The following DUSP22 variants were observed in gnomAD, a reference collection of about 807,000 sequenced individuals.
The protein encoded by DUSP22 is dual specificity phosphatase 22.
Under a neutral mutation model 24.5 loss-of-function variants are expected in DUSP22, and 24 were observed. The observed-to-expected ratio is 0.98, with a 90% CI of 0.71 to 1.38. The LOEUF is 1.38. DUSP22 is among the 40% of genes most tolerant of loss of function. The pLI, the probability that DUSP22 is intolerant of heterozygous loss-of-function variation, is 0.00. For missense variants in DUSP22, 330 were observed against 269.2 expected (o/e 1.23, Z -1.58); for synonymous variants, 160 against 106.4 (o/e 1.50, Z -3.10).
chr6:314,113 A>G lies in DUSP22; in HGVS notation c.138+2151A>G, dbSNP rs182709045. Among the ~76,000 whole-genome samples the G allele has an allele frequency of 7.4e-4, 113 of 152,382 alleles. No individual in the cohort carries two copies. The East Asian group carries it at 0.02, about 27-fold the overall frequency. On this transcript the variant is annotated intron_variant, in intron 3 of 6. Coordinates refer to ENST00000419235, the MANE Select transcript of DUSP22 (RefSeq NM_001286555.3). ...TTGCCAGCCCTGATCCCGGGAGAGA[A>G]ATGGGGCAGGGAATGAAGGTGAGCG... is the stretch of plus-strand genomic sequence containing the variant.
At chr6:302,106 A>G (rs1757604972) in intron 1 of DUSP22, among the ~76,000 whole-genome samples, 1 of 152,298 alleles carries the variant, frequency 6.6e-6, no homozygotes, top group African/African-American at 2.4e-5. Flanking sequence ...TCAGAGAGAA[A>G]TGCAGAAGCC....
At chr6:303,811 T>C (rs1757693538) in intron 1 of DUSP22, among the ~76,000 whole-genome samples, 1 of 152,306 alleles carries the variant, frequency 6.6e-6, no homozygotes, top group South Asian at 2.1e-4. Flanking sequence ...CACCCCAATT[T>C]CTCATTGCCG....
At chr6:331,024 G>A (rs893605619) in intron 3 of DUSP22, among the ~76,000 whole-genome samples, 21 of 152,290 alleles carry the variant, frequency 1.4e-4, no homozygotes, top group African/African-American at 4.1e-4. Context: ...GTCATGTTAC[G>A]CCACTTAAAA....
chr6:330,340 G>C (rs1045922423), intron 3 of DUSP22, among the ~76,000 whole-genome samples: 4 of 152,308 alleles, frequency 2.6e-5, no homozygotes, highest in Non-Finnish European at 4.4e-5. Context: ...ACTGGTTTCT[G>C]TTGGCTTTGA....
intron 1 of DUSP22, among the ~76,000 whole-genome samples, chr6:302,230 G>A (rs1450865470): frequency 3.3e-5 from 5 of 152,310 alleles, no homozygotes; most frequent in Non-Finnish European, 7.3e-5. Flanking sequence ...GATATATTAA[G>A]TTAAAACGCG....
intron 1 of DUSP22, among the ~76,000 whole-genome samples, chr6:301,495 G>A (rs1029291935): frequency 5.9e-5 from 9 of 152,300 alleles, no homozygotes; most frequent in Non-Finnish European, 8.8e-5. Context: ...TAAGTAAAAG[G>A]GTTGTTACTG....
At chr6:299,082 G>C (rs1757468225) in intron 1 of DUSP22, among the ~76,000 whole-genome samples, 1 of 152,304 alleles carries the variant, frequency 6.6e-6, no homozygotes, top group South Asian at 2.1e-4. Context: ...GCCCACAGAT[G>C]CTTAGCACCA....
chr6:349,979 G>C lies in DUSP22; in HGVS notation c.*1028G>C, dbSNP rs568687083. The C allele has an allele frequency of 7.1e-6, 7 of 985,612 alleles. No individual in the cohort carries two copies. In the South Asian group the frequency reaches 1.9e-4, roughly 26 times the overall value. The allele number at this position is 985,612 out of a possible 1,614,324, so 61.1% of individuals were successfully genotyped here. On this transcript the variant is annotated 3_prime_UTR_variant, in exon 7 of 7. Coordinates refer to ENST00000419235, the MANE Select transcript of DUSP22 (RefSeq NM_001286555.3). ...CCTCAACATTTGCATGCACCTGCAA[G>C]AATTGGGAAGAAAGAGCATTTATTA...
intron 2 of DUSP22, 31 bp downstream of exon 2, chr6:304,692 A>G (rs774070772): frequency 2.2e-5 from 36 of 1,613,230 alleles, no homozygotes; most frequent in Non-Finnish European, 2.9e-5. Context: ...TGTTGTGATA[A>G]AATACACATA....
intron 3 of DUSP22, among the ~76,000 whole-genome samples, chr6:314,330 A>T (rs1234309471): frequency 1.3e-5 from 2 of 152,268 alleles, no homozygotes; most frequent in Non-Finnish European, 2.9e-5. Flanking sequence ...CTTGGTAGGA[A>T]GTGGGAAGGT....
intron 3 of DUSP22, 70 bp from the exon 4 acceptor site, chr6:335,044 T>C: frequency 6.5e-7 from 1 of 1,540,970 alleles, no homozygotes; most frequent in Non-Finnish European, 8.9e-7. Context: ...TGTAAATAGT[T>C]CCTTAAATAC....
At chr6:305,820 C>T (rs546837680) in intron 2 of DUSP22, among the ~76,000 whole-genome samples, 1 of 152,420 alleles carries the variant, frequency 6.6e-6, no homozygotes, top group East Asian at 1.9e-4. Flanking sequence ...ATGTCATAGG[C>T]AGCTAATGCT....
chr6:349,716 C>A lies in DUSP22; in HGVS notation c.*765C>A. ...GAAGTATCTTAGATTGCCTCCATCT[C>A]AATGTGAATGCACCAGGCTGAGGGT... On this transcript the variant is annotated 3_prime_UTR_variant, in exon 7 of 7. Coordinates refer to ENST00000419235, the MANE Select transcript of DUSP22 (RefSeq NM_001286555.3). 1 of 986,118 alleles carries A rather than the reference C, an allele frequency of 1.0e-6. No individual in the cohort carries two copies. The highest frequency in any genetic ancestry group is 1.2e-6 in the Non-Finnish European group (1 of 830,360). The allele number at this position is 986,118 out of a possible 1,614,324, so 61.1% of individuals were successfully genotyped here. A position where few individuals can be genotyped will look rare whatever the true frequency, so the allele number is the denominator to read the frequency against.
At chr6:348,310 AGGTGCCCCTGAAC>A (rs1466318181) in intron 6 of DUSP22, 36 bp downstream of exon 6, 1 of 1,612,876 alleles carries the variant, frequency 6.2e-7, no homozygotes, top group Non-Finnish European at 8.5e-7. Flanking sequence ...AGATGCAGGC[AGGTGCCCCTGAAC>A]GGTGCCCACA....
At chr6:300,048 G>T (rs1372340970) in intron 1 of DUSP22, among the ~76,000 whole-genome samples, 2 of 152,306 alleles carry the variant, frequency 1.3e-5, no homozygotes, top group African/African-American at 4.8e-5. Context: ...CAGGCAGCAG[G>T]TAGAGATCGT....
chr6:292,724 G>C (rs939966334), intron 1 of DUSP22, among the ~76,000 whole-genome samples, 164 bp downstream of exon 1: 1 of 152,270 alleles, frequency 6.6e-6, no homozygotes, highest in Admixed American at 6.5e-5. Context: ...CGGAGTCGGG[G>C]TTCGGAGGTG....
rs767363500 is a variant in DUSP22 at position 335,102 on chromosome 6, A to T, written c.139-12A>T. On this transcript the variant is annotated splice_polypyrimidine_tract_variant and intron_variant, in intron 3 of 6. Transcript: ENST00000419235. ...TTTTATTTTTATGTATTTACTTTTT[A>T]TTATTCTGCAGGGAGTTAAATACCT... 37 of 1,611,916 alleles carry T rather than the reference A, an allele frequency of 2.3e-5. No individual in the cohort carries two copies. The highest frequency in any genetic ancestry group is 3.0e-5 in the Non-Finnish European group (35 of 1,178,806).
At chr6:326,403 C>T (rs7760355) in intron 3 of DUSP22, among the ~76,000 whole-genome samples, 1 of 141,366 alleles carries the variant, frequency 7.1e-6, no homozygotes, top group Non-Finnish European at 1.5e-5. Flanking sequence ...GCTTCCGCGT[C>T]CTGGTGTGTG....
At chr6:294,245 C>T (rs1187353642) in intron 1 of DUSP22, among the ~76,000 whole-genome samples, 4 of 152,410 alleles carry the variant, frequency 2.6e-5, no homozygotes, top group East Asian at 1.9e-4. Flanking sequence ...AATAGAGACT[C>T]ACAGTGTATC....
Sources: allele counts gnomAD v4.1 joint callset (sites outside exome capture counted in the v4.1 genomes callset), GRCh38; gene constraint gnomAD v4.1.1; transcripts MANE v1.5; gene names NCBI Gene and HGNC (gene_info 2026-07-23, HGNC 2026-07-21).